Variants in NTNG1 observed in about 807,000 individuals in gnomAD.
NTNG1 encodes the protein netrin G1, also known as netrin-G1.
NTNG1 carries 16 observed loss-of-function variants against 54.0 expected under a neutral mutation model. That is an observed-to-expected ratio of 0.30 (90% CI 0.20 to 0.45). The LOEUF is 0.45. Ranked by LOEUF, NTNG1 falls within the 20% of genes least tolerant of loss-of-function variation. The pLI, the probability that NTNG1 is intolerant of heterozygous loss-of-function variation, is 1.00. For missense variants in NTNG1, 530 were observed against 678.7 expected (o/e 0.78, Z 2.43); for synonymous variants, 255 against 263.1 (o/e 0.97, Z 0.30).
At chr1:107,457,933 G>C (rs1677053374) in intron 7 of NTNG1, among the ~76,000 whole-genome samples, 4 of 152,060 alleles carry the variant, frequency 2.6e-5, no homozygotes, top group Non-Finnish European at 5.9e-5. Context: ...CTTAGTTAGA[G>C]ATATTAGAGA....
chr1:107,355,608 C>T (rs567616918), intron 3 of NTNG1, among the ~76,000 whole-genome samples: 63 of 152,126 alleles, frequency 4.1e-4, no homozygotes, highest in Middle Eastern at 3.4e-3. Context: ...AGAGCCAAGC[C>T]CAAACAAATA....
chr1:107,480,569 T>TCCCCCCCCCCCCCCCCC, intron 7 of NTNG1, 42 bp from the exon 8 acceptor site: 1 of 609,596 alleles, frequency 1.6e-6, no homozygotes, highest in East Asian at 2.8e-5. Flanking sequence ...CTGCTTCTCC[T>TCCCCCCCCCCCCCCCCC]CCCCGCGCCC....
chr1:107,333,916 G>A (rs1668429198), intron 3 of NTNG1: 1 of 151,084 alleles, frequency 6.6e-6, no homozygotes, highest in African/African-American at 2.4e-5. Context: ...TACTGTATTG[G>A]AATAAATAGG....
intron 2 of NTNG1, among the ~76,000 whole-genome samples, chr1:107,163,085 C>A (rs1655529042): frequency 6.6e-6 from 1 of 152,114 alleles, no homozygotes; most frequent in Non-Finnish European, 1.5e-5. Flanking sequence ...ATTGGAGGAT[C>A]TTTTAAAAGT....
intron 2 of NTNG1, among the ~76,000 whole-genome samples, chr1:107,177,800 C>T (rs1009921430): frequency 2.0e-4 from 31 of 152,078 alleles, no homozygotes; most frequent in African/African-American, 6.8e-4. Flanking sequence ...TTTTTCTTCC[C>T]TTTTTTCCAT....
chr1:107,179,251 G>A (rs1656887396), intron 2 of NTNG1, among the ~76,000 whole-genome samples: 1 of 152,052 alleles, frequency 6.6e-6, no homozygotes, highest in Non-Finnish European at 1.5e-5. Context: ...TATTATGCTG[G>A]AACTTGGTGG....
intron 2 of NTNG1, among the ~76,000 whole-genome samples, chr1:107,167,098 G>A (rs9628993): frequency 0.72 from 109,575 of 151,956 alleles, 40,465 homozygotes; most frequent in East Asian, 0.82. Flanking sequence ...CTATATGACA[G>A]TTTCAGTGGT....
intron 3 of NTNG1, among the ~76,000 whole-genome samples, chr1:107,358,222 C>T (rs1670055737): frequency 6.6e-6 from 1 of 152,058 alleles, no homozygotes; most frequent in Non-Finnish European, 1.5e-5. Flanking sequence ...GAAAATATTA[C>T]ACTCTGGACT....
chr1:107,297,766 C>G (rs1405570317), intron 2 of NTNG1, among the ~76,000 whole-genome samples: 2 of 152,092 alleles, frequency 1.3e-5, no homozygotes, highest in East Asian at 3.8e-4. Context: ...GGAATTCTGC[C>G]ACACAGCAGA....
intron 2 of NTNG1, among the ~76,000 whole-genome samples, chr1:107,155,467 A>G (rs568169945): frequency 3.2e-4 from 48 of 152,052 alleles, no homozygotes; most frequent in African/African-American, 1.1e-3. Context: ...ATAGATCTCT[A>G]TATCTAGATA....
chr1:107,144,420 T>A lies in NTNG1; in HGVS notation c.-526+3280T>A, dbSNP rs116417306. ...ATAGCTTACTACCACCATTCCCACC[T>A]GCTAGTGAGATTATATAATAAAATG... On this transcript the variant is annotated intron_variant, in intron 1 of 7. Transcript: ENST00000370068. Among the ~76,000 whole-genome samples, 361 of 152,236 alleles carry A rather than the reference T, an allele frequency of 2.4e-3. 1 individual carries two copies. The highest frequency in any genetic ancestry group is 8.4e-3 in the African/African-American group (348 of 41,562).
At chr1:107,340,553 C>T (rs1451878182) in intron 3 of NTNG1, among the ~76,000 whole-genome samples, 2 of 152,020 alleles carry the variant, frequency 1.3e-5, no homozygotes, top group Non-Finnish European at 2.9e-5. Flanking sequence ...TGCTGCTTTC[C>T]TTGATATTGA....
At chr1:107,220,175 C>T (rs946372022) in intron 2 of NTNG1, among the ~76,000 whole-genome samples, 1 of 152,160 alleles carries the variant, frequency 6.6e-6, no homozygotes, top group African/African-American at 2.4e-5. Context: ...CAGCCACAGG[C>T]CTCACCCAGA....
In NTNG1 at chr1:107,279,943, G is replaced by A. The variant is rs545500041; in HGVS notation, c.247-44339G>A. Among the ~76,000 whole-genome samples, 43 of 151,934 alleles carry A rather than the reference G, an allele frequency of 2.8e-4. 1 individual carries two copies. Among genetic ancestry groups the A allele is most frequent in the Admixed American group, 2.8e-3 (43 of 15,244 alleles). ...CCTACCTGTAGCTGGGACTAGAGGT[G>A]CACACCACCATGTTTGGCTTTCAAT... On this transcript the variant is annotated intron_variant, in intron 2 of 7. Transcript: ENST00000370068.
chr1:107,177,788 C>A (rs1170805100), intron 2 of NTNG1, among the ~76,000 whole-genome samples: 2 of 152,068 alleles, frequency 1.3e-5, no homozygotes, highest in South Asian at 4.1e-4. Context: ...TATAAATTGC[C>A]TTTTTTCTTC....
At chr1:107,379,724 T>C (rs1416841215) in intron 3 of NTNG1, among the ~76,000 whole-genome samples, 1 of 152,190 alleles carries the variant, frequency 6.6e-6, no homozygotes, top group African/African-American at 2.4e-5. Flanking sequence ...TAATAATTTG[T>C]TATTCTTAAC....
chr1:107,293,996 TGAAAA>T (rs1282661751), intron 2 of NTNG1, among the ~76,000 whole-genome samples: 1 of 152,168 alleles, frequency 6.6e-6, no homozygotes, highest in East Asian at 1.9e-4. Flanking sequence ...TAAAGGATTC[TGAAAA>T]GAAAGAGTAA....
At position 107,430,891 on chromosome 1, in the gene NTNG1, A is replaced by G. The variant is rs753153697; in HGVS notation, c.1229A>G (p.Gln410Arg). The change falls in exon 6 of 8, where the codon CAA becomes CGA. Residue 410 changes from glutamine to arginine, a missense_variant. Physicochemically the swap from Gln to Arg is conservative, Grantham distance 43. Transcript: ENST00000370068. ...RLGYFRNASA[Q>R]LDDENVCIEC... ...GGCTACTTCAGAAATGCTTCTGCAC[A>G]ACTGGACGATGAGAATGTGTGCATA... 1 of 1,613,134 alleles carries G rather than the reference A, an allele frequency of 6.2e-7. No individual in the cohort carries two copies. Among genetic ancestry groups the G allele is most frequent in the Non-Finnish European group, 8.5e-7 (1 of 1,179,442 alleles).
At chr1:107,228,840 C>A (rs1055070867) in intron 2 of NTNG1, among the ~76,000 whole-genome samples, 1 of 152,122 alleles carries the variant, frequency 6.6e-6, no homozygotes, top group Non-Finnish European at 1.5e-5. Context: ...ACATATGAAC[C>A]AGGTAAGTGA....
Sources: gnomAD v4.1 joint callset for allele counts (sites outside exome capture counted in the v4.1 genomes callset) on GRCh38, gnomAD v4.1.1 for gene constraint, MANE v1.5 for transcripts, NCBI Gene and HGNC (gene_info 2026-07-23, HGNC 2026-07-21) for gene names.